The following WWC1 variants were observed in gnomAD, a reference collection of about 807,000 sequenced individuals.
WWC1 encodes WW and C2 domain containing 1.
In WWC1, 55 loss-of-function variants were observed where a neutral mutation model predicts 138.4. The ratio of observed to expected loss-of-function variants is 0.40; its 90% CI spans 0.32 to 0.50. The LOEUF (loss-of-function observed/expected upper bound fraction) is 0.50. WWC1 is among the 20% of genes least tolerant of loss of function. The pLI is 0.72. For missense variants in WWC1, 1,226 were observed against 1,420.4 expected (o/e 0.86, Z 2.20); for synonymous variants, 524 against 564.9 (o/e 0.93, Z 1.03).
In WWC1 at chr5:168,426,781, G is replaced by T. The variant is rs9686304; in HGVS notation, c.1811-1252G>T. On this transcript the variant is annotated intron_variant, in intron 11 of 22. Coordinates refer to ENST00000265293, the MANE Select transcript of WWC1 (RefSeq NM_015238.3). ...CCTGGACTCTGTGCCCCTCAATGCT[G>T]CGAGCCCTTGCCCTGCTCCGGTCTG... is the stretch of plus-strand genomic sequence containing the variant. Among the ~76,000 whole-genome samples, 1,034 of 152,328 alleles carry T rather than the reference G, an allele frequency of 6.8e-3. 8 individuals carry two copies. Among genetic ancestry groups the T allele is most frequent in the African/African-American group, 0.023 (971 of 41,578 alleles).
chr5:168,395,426 A>G (rs776699956), intron 3 of WWC1, among the ~76,000 whole-genome samples: 41 of 152,208 alleles, frequency 2.7e-4, no homozygotes, highest in Non-Finnish European at 4.9e-4. Context: ...AATGGTGTTA[A>G]CTGTCTTAAT....
At chr5:168,329,366 A>G (rs902618784) in intron 1 of WWC1, among the ~76,000 whole-genome samples, 5 of 152,128 alleles carry the variant, frequency 3.3e-5, no homozygotes, top group African/African-American at 1.2e-4. Flanking sequence ...TTATTTTCTT[A>G]TTTTATATAT....
chr5:168,303,308 C>A lies in WWC1; in HGVS notation c.119+11037C>A, dbSNP rs549157818. Among the ~76,000 whole-genome samples the A allele has an allele frequency of 3.9e-5, 6 of 152,222 alleles. No homozygotes were observed. In the East Asian group the frequency reaches 9.6e-4, roughly 24 times the overall value. On this transcript the variant is annotated intron_variant, in intron 1 of 22. Coordinates refer to ENST00000265293, the MANE Select transcript of WWC1 (RefSeq NM_015238.3). ...TTTTCTTGTTCATTAAGAAATAAGG[C>A]ACAGGAGGCCAGGTGTGGCAGCTCA...
At chr5:168,378,079 G>A (rs1399692439) in intron 2 of WWC1, among the ~76,000 whole-genome samples, 5 of 152,172 alleles carry the variant, frequency 3.3e-5, no homozygotes, top group African/African-American at 1.2e-4. Context: ...TATACACCAT[G>A]GAATACTATA....
intron 1 of WWC1, among the ~76,000 whole-genome samples, chr5:168,367,210 C>T (rs974489322): frequency 5.9e-5 from 9 of 152,150 alleles, no homozygotes; most frequent in Non-Finnish European, 1.3e-4. Flanking sequence ...GCTAAAGCCC[C>T]CATGCCTTTT....
intron 19 of WWC1, among the ~76,000 whole-genome samples, chr5:168,459,269 AAAAAAG>A (rs1459529144): frequency 4.6e-5 from 7 of 151,290 alleles, no homozygotes; most frequent in African/African-American, 1.2e-4. Flanking sequence ...AAAAAAAAAA[AAAAAAG>A]AAAGAAAGAA....
At position 168,469,104 on chromosome 5, in the gene WWC1, G is replaced by A. The variant is rs1027623007; in HGVS notation, c.*87G>A. The A allele has an allele frequency of 5.2e-6, 8 of 1,532,858 alleles. No individual in the cohort carries two copies. The Admixed American group carries it at 6.8e-5, about 13-fold the overall frequency. The allele number at this position is 1,532,858 out of a possible 1,614,324, so 95.0% of individuals were successfully genotyped here. A position where few individuals can be genotyped will look rare whatever the true frequency, so the allele number is the denominator to read the frequency against. ...GTTATTTATGTGGTGTTATATGAAG[G>A]TACTGAGTCACAAGTCCTCTAGTGC... is the stretch of plus-strand genomic sequence containing the variant. On this transcript the variant is annotated 3_prime_UTR_variant, in exon 23 of 23. Coordinates refer to ENST00000265293, the MANE Select transcript of WWC1 (RefSeq NM_015238.3).
chr5:168,430,060 G>A lies in WWC1; in HGVS notation c.2001-77G>A, dbSNP rs533302915. The A allele has an allele frequency of 5.7e-6, 7 of 1,228,196 alleles. No homozygotes were observed. The East Asian group carries it at 1.4e-4, about 25-fold the overall frequency. 76.1% of individuals were successfully genotyped at this position (1,228,196 alleles called of 1,614,324 possible). A position where few individuals can be genotyped will look rare whatever the true frequency, so the allele number is the denominator to read the frequency against. ...AGGGCAGCCAACAGCCACGTCCTGT[G>A]ACTTTTAATGGAGAGAAGGAATGAG... On this transcript the variant is annotated intron_variant, in intron 13 of 22. Transcript: ENST00000265293.
intron 19 of WWC1, among the ~76,000 whole-genome samples, chr5:168,456,359 G>T (rs556548834): frequency 1.9e-4 from 29 of 152,032 alleles, no homozygotes; most frequent in African/African-American, 5.5e-4. Context: ...AAACCTGGGC[G>T]CAGTGGCTCA....
chr5:168,332,340 A>G (rs533719338), intron 1 of WWC1, among the ~76,000 whole-genome samples: 3 of 152,274 alleles, frequency 2.0e-5, no homozygotes, highest in Non-Finnish European at 4.4e-5. Flanking sequence ...GGCCATATCT[A>G]AAAAAAGTCT....
At position 168,413,323 on chromosome 5, in the gene WWC1, G is replaced by A. The variant is rs151223943; in HGVS notation, c.942-1025G>A. On this transcript the variant is annotated intron_variant, in intron 8 of 22. Transcript: ENST00000265293. The stretch of plus-strand genomic sequence containing the variant: ...CCTAAAGGATGATGTCATGATTGTT[G>A]TTAGCTATTTGTAGCAGTATTCATT... 9.8e-5 allele frequency among the ~76,000 whole-genome samples: 15 copies of A among 152,316 alleles called. No individual in the cohort carries two copies. In the East Asian group the frequency reaches 2.9e-3, roughly 29 times the overall value.
At chr5:168,403,077 T>TCCTTCTCTCTTTCTTTCTTTCTTC (rs1779495482) in intron 5 of WWC1, among the ~76,000 whole-genome samples, 2 of 135,670 alleles carry the variant, frequency 1.5e-5, no homozygotes, top group Non-Finnish European at 3.2e-5. Context: ...TTTCTTTCTT[T>TCCTTCTCTCTTTCTTTCTTTCTTC]CTTTTCTTTC....
At chr5:168,393,007 G>A (rs571003027) in intron 3 of WWC1, among the ~76,000 whole-genome samples, 1 of 152,036 alleles carries the variant, frequency 6.6e-6, no homozygotes, top group Non-Finnish European at 1.5e-5. Flanking sequence ...AGAGCTCATG[G>A]AAATTAAAAT....
intron 9 of WWC1, among the ~76,000 whole-genome samples, chr5:168,417,028 C>G (rs535378390): frequency 6.6e-6 from 1 of 152,038 alleles, no homozygotes; most frequent in African/African-American, 2.4e-5. Flanking sequence ...CCACCACACC[C>G]AGCTAATTTT....
Position 168,414,415 on chromosome 5 carries a change from G to C in WWC1, c.1009G>C (p.Glu337Gln). 6.2e-7 allele frequency: 1 copy of C among 1,603,066 alleles called. No homozygotes were observed. Reference sequence around the variant, plus strand: ...GGCCTGGCCTGGGGTGCTGGACTCAGAGAGGGACCGGCTGATCCTTATCAA... The same window carrying C: ...GGCCTGGCCTGGGGTGCTGGACTCACAGAGGGACCGGCTGATCCTTATCAA... ...SEAWPGVLDS[E>Q]RDRLILINEK... The change falls in exon 9 of 23, where the codon GAG becomes CAG. Residue 337 changes from glutamate to glutamine, a missense_variant. Around this residue, in one of 3 missense-constraint regions of WWC1, gnomAD observed 1,016 missense variants for 1,153.9 expected, o/e 0.88. Transcript: ENST00000265293.
intron 1 of WWC1, among the ~76,000 whole-genome samples, chr5:168,295,767 C>G (rs1474945430): frequency 1.3e-5 from 2 of 152,154 alleles, no homozygotes; most frequent in African/African-American, 4.8e-5. Context: ...TTCAGCTTCC[C>G]CTTTCACCAG....
chr5:168,449,844 G>C (rs964191980), intron 17 of WWC1, among the ~76,000 whole-genome samples: 1 of 152,112 alleles, frequency 6.6e-6, no homozygotes, highest in Non-Finnish European at 1.5e-5. Flanking sequence ...CAAAGTGCTG[G>C]GATTACAGGC....
At chr5:168,351,594 G>T (rs1774960564) in intron 1 of WWC1, among the ~76,000 whole-genome samples, 1 of 152,198 alleles carries the variant, frequency 6.6e-6, no homozygotes, top group African/African-American at 2.4e-5. Context: ...ATGAGAAGAG[G>T]TTGCTCTCCT....
intron 9 of WWC1, among the ~76,000 whole-genome samples, chr5:168,419,631 G>A (rs1009235913): frequency 5.3e-5 from 8 of 152,194 alleles, no homozygotes; most frequent in African/African-American, 1.9e-4. Flanking sequence ...AGCACTCTCC[G>A]CTTTCTGATG....
Sources: allele counts gnomAD v4.1 joint callset (sites outside exome capture counted in the v4.1 genomes callset), GRCh38; gene constraint gnomAD v4.1.1; regional missense constraint gnomAD v4.1.1; transcripts MANE v1.5; gene names NCBI Gene and HGNC (gene_info 2026-07-23, HGNC 2026-07-21).